The following CCDC171 variants were observed in gnomAD, a reference collection of about 807,000 sequenced individuals.
CCDC171 encodes the protein coiled-coil domain containing 171.
In CCDC171, 177 loss-of-function variants were observed where a neutral mutation model predicts 168.2. The observed-to-expected ratio is 1.05, with a 90% CI of 0.93 to 1.19. The LOEUF (loss-of-function observed/expected upper bound fraction) is 1.19. CCDC171 is among the 50% of genes most tolerant of loss of function. The pLI is 0.00. For missense variants in CCDC171, 1,991 were observed against 1,539.0 expected (o/e 1.29, Z -4.91); for synonymous variants, 687 against 540.8 (o/e 1.27, Z -3.75).
intron 11 of CCDC171, among the ~76,000 whole-genome samples, chr9:15,697,114 G>A (rs2051275423): frequency 6.6e-6 from 1 of 152,172 alleles, no homozygotes; most frequent in South Asian, 2.1e-4. Flanking sequence ...GACAGTAGGT[G>A]CACCCACAGG....
intron 7 of CCDC171, among the ~76,000 whole-genome samples, chr9:15,638,890 G>C (rs896764320): frequency 1.7e-4 from 26 of 151,974 alleles, no homozygotes; most frequent in Non-Finnish European, 4.4e-5. Context: ...AACTAGGGGA[G>C]TTTATTATCA....
chr9:15,613,327 A>C (rs1451438218), intron 6 of CCDC171, among the ~76,000 whole-genome samples: 1 of 152,174 alleles, frequency 6.6e-6, no homozygotes, highest in Non-Finnish European at 1.5e-5. Context: ...ACGTAGAATG[A>C]AACCAGTTTT....
rs752406851 is a variant in CCDC171 at position 15,750,278 on chromosome 9, G to A, written c.2671+4647G>A. 3.9e-4 allele frequency among the ~76,000 whole-genome samples: 60 copies of A among 151,946 alleles called. 1 individual carries two copies. The highest frequency in any genetic ancestry group is 1.0e-4 in the Non-Finnish European group (7 of 68,008). On this transcript the variant is annotated intron_variant, in intron 18 of 25. Coordinates refer to ENST00000380701, the MANE Select transcript of CCDC171 (RefSeq NM_173550.4). Reference sequence around the variant, plus strand: ...CCCAAGACTAAACCAGGAAGAAGTCGAATCTCTGAATAGACCAATAACAGG... The same window carrying A: ...CCCAAGACTAAACCAGGAAGAAGTCAAATCTCTGAATAGACCAATAACAGG...
chr9:15,723,539 T>A, intron 12 of CCDC171, 142 bp from the exon 13 acceptor site: 1 of 625,714 alleles, frequency 1.6e-6, no homozygotes, highest in Non-Finnish European at 2.8e-6. Context: ...TTAAAGACTC[T>A]TAATTACTAT....
chr9:15,719,813 C>A (rs1254321296), intron 11 of CCDC171, among the ~76,000 whole-genome samples: 1 of 151,980 alleles, frequency 6.6e-6, no homozygotes, highest in East Asian at 1.9e-4. Flanking sequence ...TCCCGAGTGT[C>A]CTTGAATGAT....
chr9:15,719,484 A>C (rs2053329740), intron 11 of CCDC171, among the ~76,000 whole-genome samples: 1 of 151,578 alleles, frequency 6.6e-6, no homozygotes, highest in Non-Finnish European at 1.5e-5. Flanking sequence ...GGGACTTTCC[A>C]AAGCTAGAGA....
chr9:15,865,849 C>CGTGTGTGTGTGTGT (rs71325944), intron 23 of CCDC171, among the ~76,000 whole-genome samples: 4 of 147,462 alleles, frequency 2.7e-5, no homozygotes, highest in African/African-American at 1.0e-4. Flanking sequence ...ACTCTGCGTG[C>CGTGTGTGTGTGTGT]GTGTGTGTGT....
chr9:16,084,615 A>G, the CCDC171 span, among the ~76,000 whole-genome samples: 1 of 152,178 alleles, frequency 6.6e-6, no homozygotes, highest in Non-Finnish European at 1.5e-5. Context: ...CCAATTTGCC[A>G]TGGCGCCTCC....
intron 21 of CCDC171, among the ~76,000 whole-genome samples, chr9:15,835,759 A>G (rs958953398): frequency 6.6e-6 from 1 of 152,160 alleles, no homozygotes; most frequent in African/African-American, 2.4e-5. Flanking sequence ...TAAAGTTTAT[A>G]CATATTATAT....
downstream of CCDC171, among the ~76,000 whole-genome samples, chr9:16,062,497 G>A (rs763292312): frequency 6.6e-6 from 1 of 152,042 alleles, no homozygotes; most frequent in Non-Finnish European, 1.5e-5. Flanking sequence ...CCAAAACCCC[G>A]AGACATGCAA....
chr9:16,036,560 C>T (rs867645642), intron 8 of CCDC171, among the ~76,000 whole-genome samples: 11 of 152,228 alleles, frequency 7.2e-5, no homozygotes, highest in African/African-American at 2.4e-4. Context: ...AGGAGAATGG[C>T]GTGAACCCGG....
intron 24 of CCDC171, among the ~76,000 whole-genome samples, chr9:15,894,682 G>A (rs147946024): frequency 6.6e-6 from 1 of 151,946 alleles, no homozygotes; most frequent in South Asian, 2.1e-4. Context: ...GAGGCTTTGT[G>A]CTTGGTGGTC....
At chr9:16,008,876 A>C (rs1489921004) in intron 3 of CCDC171, among the ~76,000 whole-genome samples, 1 of 152,104 alleles carries the variant, frequency 6.6e-6, no homozygotes, top group Non-Finnish European at 1.5e-5. Flanking sequence ...TCACCTGGCT[A>C]TCTCCCACCC....
chr9:16,032,408 A>C (rs574898087), intron 6 of CCDC171, among the ~76,000 whole-genome samples: 1 of 152,188 alleles, frequency 6.6e-6, no homozygotes. Flanking sequence ...GAGGACTGGC[A>C]GGGAGGAGAA....
At chr9:15,977,081 A>G (rs1230437891), downstream of CCDC171, among the ~76,000 whole-genome samples, 3 of 152,188 alleles carry the variant, frequency 2.0e-5, no homozygotes, top group Admixed American at 2.0e-4. Context: ...GTAAATTTAC[A>G]TATTAGAAGA....
At chr9:15,726,223 T>G (rs2053790878) in intron 14 of CCDC171, among the ~76,000 whole-genome samples, 1 of 152,200 alleles carries the variant, frequency 6.6e-6, no homozygotes, top group Non-Finnish European at 1.5e-5. Flanking sequence ...ACTAGAAGCC[T>G]GACTATATTG....
intron 9 of CCDC171, among the ~76,000 whole-genome samples, chr9:15,672,185 T>G (rs1018489044): frequency 2.6e-5 from 4 of 152,180 alleles, no homozygotes; most frequent in African/African-American, 9.7e-5. Context: ...TTGCCCACTT[T>G]TTGATGGGGT....
the CCDC171 span, among the ~76,000 whole-genome samples, chr9:16,096,646 G>A: frequency 2.0e-5 from 3 of 152,144 alleles, no homozygotes; most frequent in African/African-American, 4.8e-5. Flanking sequence ...TTTATCCCCT[G>A]GTCCTCTCAA....
intron 11 of CCDC171, among the ~76,000 whole-genome samples, chr9:15,700,779 C>T (rs1014797475): frequency 2.0e-5 from 3 of 151,970 alleles, no homozygotes; most frequent in African/African-American, 7.3e-5. Context: ...TGCCACCATG[C>T]CTGGCTTATT....
Sources: gnomAD v4.1 joint callset for allele counts (sites outside exome capture counted in the v4.1 genomes callset) on GRCh38, gnomAD v4.1.1 for gene constraint, MANE v1.5 for transcripts, NCBI Gene and HGNC (gene_info 2026-07-23, HGNC 2026-07-21) for gene names.